The following RABGAP1 variants were observed in gnomAD, a reference collection of about 807,000 sequenced individuals.
RABGAP1 encodes RAB GTPase activating protein 1.
In RABGAP1, 23 loss-of-function variants were observed where a neutral mutation model predicts 137.6. That is an observed-to-expected ratio of 0.17 (90% CI 0.12 to 0.24). The LOEUF is 0.24. RABGAP1 is among the 10% of genes least tolerant of loss of function. RABGAP1 has a pLI of 1.00. For synonymous variants in RABGAP1, 451 were observed against 450.7 expected (o/e 1.00, Z -0.01); for missense variants, 906 against 1,275.8 (o/e 0.71, Z 4.42).
intron 2 of RABGAP1, among the ~76,000 whole-genome samples, chr9:122,973,324 A>G (rs890272961): frequency 6.6e-6 from 1 of 151,960 alleles, no homozygotes; most frequent in African/African-American, 2.4e-5. Flanking sequence ...TGCAAGCTCC[A>G]CCTCTCGGGT....
chr9:122,991,879 G>T (rs1836742632), intron 6 of RABGAP1, among the ~76,000 whole-genome samples: 1 of 151,998 alleles, frequency 6.6e-6, no homozygotes. Flanking sequence ...GGGATTACAG[G>T]CATGAGCCAA....
At chr9:122,992,654 T>C (rs1449097051) in intron 6 of RABGAP1, among the ~76,000 whole-genome samples, 1 of 149,248 alleles carries the variant, frequency 6.7e-6, no homozygotes, top group Non-Finnish European at 1.5e-5. Context: ...ATTATTTAAG[T>C]ATAATGATCA....
intron 10 of RABGAP1, among the ~76,000 whole-genome samples, chr9:123,003,409 C>T (rs191735854): frequency 2.6e-5 from 4 of 152,254 alleles, no homozygotes; most frequent in African/African-American, 9.6e-5. Context: ...TTTGTCTTTT[C>T]ATCTATAAGA....
rs1836543465 is a variant in RABGAP1 at position 122,989,341 on chromosome 9, T to C, written c.635T>C (p.Ile212Thr). Residue 212 changes from isoleucine to threonine, a missense_variant, in exon 5 of 26, where the codon ATC (isoleucine) becomes ACC (threonine). Around this residue, in one of 9 missense-constraint regions of RABGAP1, gnomAD observed 331 missense variants for 358.3 expected, o/e 0.92. Coordinates refer to ENST00000373647, the MANE Select transcript of RABGAP1 (RefSeq NM_012197.4). ...QTNTEIANYP[I>T]YKILFCVRGH... The stretch of plus-strand genomic sequence containing the variant: ...AACACTGAAATAGCAAACTACCCTA[T>C]CTACAAAATCCTCTTCTGTGTCAGA... 1 of 1,613,914 alleles carries C rather than the reference T, an allele frequency of 6.2e-7. No homozygotes were observed. The highest frequency in any genetic ancestry group is 8.5e-7 in the Non-Finnish European group (1 of 1,179,866).
intron 13 of RABGAP1, among the ~76,000 whole-genome samples, chr9:123,043,850 T>C (rs1343089864): frequency 1.3e-5 from 2 of 152,084 alleles, no homozygotes; most frequent in Non-Finnish European, 2.9e-5. Flanking sequence ...GGAATTTCAT[T>C]GTAAGCTTTG....
At chr9:123,050,764 T>C (rs2033418716) in intron 13 of RABGAP1, among the ~76,000 whole-genome samples, 1 of 152,222 alleles carries the variant, frequency 6.6e-6, no homozygotes, top group South Asian at 2.1e-4. Flanking sequence ...TATGTAAGAT[T>C]GAGCTGCAGA....
rs773194780 is a variant in RABGAP1 at position 122,997,384 on chromosome 9, T to C, written c.1204+23T>C. 8 of 1,531,166 alleles carry C rather than the reference T, an allele frequency of 5.2e-6. No homozygotes were observed. In the South Asian group the frequency reaches 8.4e-5, roughly 16 times the overall value. 94.8% of individuals were successfully genotyped at this position (1,531,166 alleles called of 1,614,324 possible). A position where few individuals can be genotyped will look rare whatever the true frequency, so the allele number is the denominator to read the frequency against. ...AAGGTGATACAGATTGTTGACATCA[T>C]GAACAGAAATTTTAGTCTCAAGAAG... is the stretch of plus-strand genomic sequence containing the variant. On this transcript the variant is annotated intron_variant, in intron 9 of 25. Coordinates refer to ENST00000373647, the MANE Select transcript of RABGAP1 (RefSeq NM_012197.4).
At position 123,103,299 on chromosome 9, in the gene RABGAP1, C is replaced by A; in HGVS notation, c.*86C>A. The A allele has an allele frequency of 1.9e-6, 3 of 1,565,152 alleles. No individual in the cohort carries two copies. Among genetic ancestry groups the A allele is most frequent in the Non-Finnish European group, 8.7e-7 (1 of 1,153,590 alleles). On this transcript the variant is annotated 3_prime_UTR_variant, in exon 26 of 26. Transcript: ENST00000373647. ...CCAGATGTGTGATTCTGTGACTTGT[C>A]CCAGGACCAGAATGTACCTAAGTCA...
intron 1 of RABGAP1, among the ~76,000 whole-genome samples, chr9:122,949,241 G>T (rs972259049): frequency 1.3e-5 from 2 of 151,960 alleles, no homozygotes; most frequent in African/African-American, 4.8e-5. Context: ...GGCTGGCTGC[G>T]GTGGCTCACA....
intron 13 of RABGAP1, among the ~76,000 whole-genome samples, chr9:123,040,068 A>G (rs1258512393): frequency 6.6e-6 from 1 of 152,178 alleles, no homozygotes; most frequent in East Asian, 1.9e-4. Context: ...CAGGTAGTAT[A>G]ACTAGCCTCA....
chr9:122,952,062 G>A (rs1834280819), intron 1 of RABGAP1, among the ~76,000 whole-genome samples: 5 of 152,108 alleles, frequency 3.3e-5, no homozygotes, highest in African/African-American at 1.2e-4. Flanking sequence ...TAAAAGTAGT[G>A]AAAGAGTAGC....
Position 123,023,284 on chromosome 9 carries a change from G to A in RABGAP1, c.1794+2825G>A, listed in dbSNP as rs535925514. 1.1e-4 allele frequency among the ~76,000 whole-genome samples: 16 copies of A among 152,242 alleles called. No homozygotes were observed. The South Asian group carries it at 2.5e-3, about 24-fold the overall frequency. Reference sequence around the variant, plus strand: ...CAACCTCTGCCTCCTGGATTAAAGCGATTCTCCTGCATCAGCCTCCCAAGT... The same window carrying A: ...CAACCTCTGCCTCCTGGATTAAAGCAATTCTCCTGCATCAGCCTCCCAAGT... On this transcript the variant is annotated intron_variant, in intron 13 of 25. Coordinates refer to ENST00000373647, the MANE Select transcript of RABGAP1 (RefSeq NM_012197.4).
chr9:123,047,802 T>C (rs1302957298), intron 13 of RABGAP1, among the ~76,000 whole-genome samples: 1 of 151,956 alleles, frequency 6.6e-6, no homozygotes, highest in African/African-American at 2.4e-5. Context: ...CTTAATGCAG[T>C]GCAGCAGTTC....
chr9:123,018,530 T>G (rs943814487), intron 12 of RABGAP1, among the ~76,000 whole-genome samples: 17 of 152,174 alleles, frequency 1.1e-4, no homozygotes, highest in African/African-American at 3.9e-4. Flanking sequence ...TCAGTAAAAG[T>G]TTATTTATGA....
intron 6 of RABGAP1, among the ~76,000 whole-genome samples, chr9:122,995,566 ATTTTTTTTTT>A (rs34683455): frequency 4.2e-5 from 5 of 118,470 alleles, no homozygotes; most frequent in Admixed American, 1.0e-4. Flanking sequence ...ATATCAAATG[ATTTTTTTTTT>A]TTTTTTTTTT....
upstream of RABGAP1, chr9:122,940,915 T>C (rs1332354239): frequency 6.6e-6 from 1 of 150,726 alleles, no homozygotes. Context: ...GCCAATAGGG[T>C]CGCTCGTCAT....
intron 5 of RABGAP1, 109 bp downstream of exon 5, chr9:122,989,580 T>C (rs1564382676): frequency 1.6e-6 from 2 of 1,224,570 alleles, no homozygotes; most frequent in Non-Finnish European, 2.3e-6. Context: ...GATGAAATTC[T>C]CTGCTATTGT....
At chr9:122,935,974 C>T (rs910018268), upstream of RABGAP1, among the ~76,000 whole-genome samples, 5 of 151,514 alleles carry the variant, frequency 3.3e-5, no homozygotes, top group African/African-American at 7.3e-5. Context: ...TTCTTTCTTT[C>T]GAGCCTCTGA....
chr9:122,949,231 G>A (rs777566056), intron 1 of RABGAP1, among the ~76,000 whole-genome samples: 13 of 151,904 alleles, frequency 8.6e-5, no homozygotes, highest in South Asian at 6.2e-4. Flanking sequence ...CAAAAATTAC[G>A]GCTGGCTGCG....
Sources: gnomAD v4.1 joint callset for allele counts (sites outside exome capture counted in the v4.1 genomes callset) on GRCh38, gnomAD v4.1.1 for gene constraint, gnomAD v4.1.1 regional missense constraint, MANE v1.5 for transcripts, NCBI Gene and HGNC (gene_info 2026-07-23, HGNC 2026-07-21) for gene names.